The following FER variants were observed in gnomAD, a reference collection of about 807,000 sequenced individuals.
The protein encoded by FER is tyrosine-protein kinase Fer.
FER carries 63 observed loss-of-function variants against 111.0 expected under a neutral mutation model. That is an observed-to-expected ratio of 0.57 (90% confidence interval 0.46 to 0.70). The LOEUF (loss-of-function observed/expected upper bound fraction) is 0.70, where lower values mean the gene tolerates loss of function less well. FER is among the 30% of genes least tolerant of loss of function. The pLI, the probability that FER is intolerant of heterozygous loss-of-function variation, is 0.00. For synonymous variants in FER, 327 were observed against 313.9 expected, an observed-to-expected ratio of 1.04 and a Z score of -0.44; for missense variants, 914 against 954.0, an observed-to-expected ratio of 0.96 and a Z score of 0.55.
intron 3 of FER, among the ~76,000 whole-genome samples, chr5:108,801,907 A>G (rs1756696174): frequency 6.6e-6 from 1 of 152,218 alleles, no homozygotes. Context: ...GATAACTGAG[A>G]TGGCTACTAA....
intron 13 of FER, among the ~76,000 whole-genome samples, chr5:108,997,242 A>G (rs1398669113): frequency 2.4e-4 from 6 of 25,290 alleles, no homozygotes; most frequent in Admixed American, 1.2e-3. Flanking sequence ...CGTCTCTACT[A>G]AAAAAAAAAA....
chr5:109,140,951 G>C (rs1753457567), intron 17 of FER, among the ~76,000 whole-genome samples: 1 of 152,098 alleles, frequency 6.6e-6, no homozygotes, highest in Admixed American at 6.6e-5. Flanking sequence ...TAAAATTCTG[G>C]ACCCATATTC....
intron 17 of FER, among the ~76,000 whole-genome samples, chr5:109,108,746 A>G: frequency 6.6e-6 from 1 of 152,174 alleles, no homozygotes; most frequent in South Asian, 2.1e-4. Flanking sequence ...AGTCTTGATC[A>G]AATTCTGGGG....
intron 17 of FER, among the ~76,000 whole-genome samples, chr5:109,157,629 AT>A (rs1755545541): frequency 6.6e-6 from 1 of 152,150 alleles, no homozygotes; most frequent in Non-Finnish European, 1.5e-5. Context: ...CTTCCAAAAA[AT>A]AATTGACTTA....
intron 9 of FER, among the ~76,000 whole-genome samples, chr5:108,884,245 G>A (rs926568080): frequency 1.3e-5 from 2 of 151,910 alleles, no homozygotes; most frequent in Non-Finnish European, 1.5e-5. Context: ...AGGAATTTGT[G>A]ATATATAGAA....
At chr5:108,897,029 G>A (rs1367129248) in intron 9 of FER, among the ~76,000 whole-genome samples, 1 of 152,178 alleles carries the variant, frequency 6.6e-6, no homozygotes, top group Non-Finnish European at 1.5e-5. Flanking sequence ...AAAAGTCACA[G>A]TAAGACAACC....
intron 16 of FER, among the ~76,000 whole-genome samples, chr5:109,058,300 A>G (rs1293777470): frequency 6.6e-6 from 1 of 152,166 alleles, no homozygotes; most frequent in Admixed American, 6.5e-5. Context: ...TATATCAGAA[A>G]TAAGATAGAT....
At chr5:108,794,334 C>T (rs190729409) in intron 2 of FER, among the ~76,000 whole-genome samples, 99 of 151,858 alleles carry the variant, frequency 6.5e-4, no homozygotes, top group African/African-American at 1.8e-3. Context: ...TCTCCTGCTG[C>T]GGCCTCCCTA....
At chr5:108,958,768 A>G (rs1363361976) in intron 12 of FER, among the ~76,000 whole-genome samples, 4 of 151,880 alleles carry the variant, frequency 2.6e-5, no homozygotes. Flanking sequence ...TAAAATATTT[A>G]CCATCAGATT....
intron 3 of FER, among the ~76,000 whole-genome samples, chr5:108,805,287 C>T (rs1246167341): frequency 6.6e-6 from 1 of 152,162 alleles, no homozygotes; most frequent in African/African-American, 2.4e-5. Flanking sequence ...TCCTTGCCTT[C>T]CACCATGTTT....
rs572980803 is a variant in FER at position 108,876,117 on chromosome 5, T to A, written c.923+3905T>A. 2.3e-4 allele frequency among the ~76,000 whole-genome samples: 35 copies of A among 152,276 alleles called. No homozygotes were observed. In the South Asian group the frequency reaches 6.4e-3, roughly 28 times the overall value. ...TGTCTTGGATCTTGTAGGGCATGAG[T>A]CAGCAAACTATAGCCCATGAGGCAA... On this transcript the variant is annotated intron_variant, in intron 8 of 19. Transcript: ENST00000281092.
chr5:108,955,165 G>T (rs1203148018), intron 12 of FER, among the ~76,000 whole-genome samples: 3 of 151,492 alleles, frequency 2.0e-5, no homozygotes, highest in Admixed American at 6.6e-5. Context: ...TAAAATCAAA[G>T]TATATAGCTA....
chr5:108,866,186 C>G (rs182273861), intron 5 of FER, among the ~76,000 whole-genome samples: 153 of 152,200 alleles, frequency 1.0e-3, no homozygotes, highest in Non-Finnish European at 1.7e-3. Context: ...GGAACCAACC[C>G]AATGTCCAAC....
At chr5:108,895,679 A>G (rs901983751) in intron 9 of FER, among the ~76,000 whole-genome samples, 2 of 152,180 alleles carry the variant, frequency 1.3e-5, no homozygotes, top group African/African-American at 2.4e-5. Context: ...AACATCCTCA[A>G]TTTAATCATA....
intron 10 of FER, among the ~76,000 whole-genome samples, chr5:108,901,691 C>T (rs1750049114): frequency 6.6e-6 from 1 of 152,100 alleles, no homozygotes; most frequent in Non-Finnish European, 1.5e-5. Context: ...GTGGCTCACA[C>T]CTGTAATGTC....
chr5:108,963,347 G>C (rs1759378406), intron 13 of FER, among the ~76,000 whole-genome samples: 1 of 152,100 alleles, frequency 6.6e-6, no homozygotes, highest in Non-Finnish European at 1.5e-5. Flanking sequence ...CGGATTGCTT[G>C]AGGTAAGGAG....
intron 17 of FER, among the ~76,000 whole-genome samples, chr5:109,160,922 G>A (rs1247048450): frequency 6.6e-6 from 1 of 152,132 alleles, no homozygotes; most frequent in Admixed American, 6.6e-5. Flanking sequence ...TGCTACATGT[G>A]GGAGTTGGAG....
At chr5:109,092,034 A>G (rs1477795068) in intron 16 of FER, among the ~76,000 whole-genome samples, 1 of 152,068 alleles carries the variant, frequency 6.6e-6, no homozygotes, top group African/African-American at 2.4e-5. Context: ...TGTCCTCTCC[A>G]GAGGACACGG....
chr5:109,142,278 G>A (rs1335167798), intron 17 of FER, among the ~76,000 whole-genome samples: 1 of 152,126 alleles, frequency 6.6e-6, no homozygotes, highest in Non-Finnish European at 1.5e-5. Flanking sequence ...GTCGATATTA[G>A]AACATTTGAA....
Sources: allele counts gnomAD v4.1 joint callset (sites outside exome capture counted in the v4.1 genomes callset), GRCh38; gene constraint gnomAD v4.1.1; transcripts MANE v1.5; gene names NCBI Gene and HGNC (gene_info 2026-07-23, HGNC 2026-07-21).